KLHL29: variants seen among roughly 807,000 people sequenced by gnomAD.
The protein encoded by KLHL29 is kelch like family member 29.
KLHL29 carries 21 observed loss-of-function variants against 80.4 expected under a neutral mutation model. The observed-to-expected ratio is 0.26, with a 90% CI of 0.19 to 0.38. The LOEUF (loss-of-function observed/expected upper bound fraction) is 0.38, where lower values mean the gene tolerates loss of function less well. Among genes scored for constraint, KLHL29 ranks in the 10% least tolerant of loss-of-function variants. The pLI is 1.00. For missense variants in KLHL29, 867 were observed against 1,223.9 expected (o/e 0.71, Z 4.35); for synonymous variants, 511 against 526.8 (o/e 0.97, Z 0.41).
chr2:23,651,750 T>A (rs899483303), intron 5 of KLHL29, among the ~76,000 whole-genome samples: 1 of 152,170 alleles, frequency 6.6e-6, no homozygotes, highest in African/African-American at 2.4e-5. Flanking sequence ...AAGTCCAACA[T>A]AAAGGTGCAG....
intron 1 of KLHL29, among the ~76,000 whole-genome samples, chr2:23,394,425 G>C (rs1666398197): frequency 6.6e-6 from 1 of 152,184 alleles, no homozygotes; most frequent in Non-Finnish European, 1.5e-5. Flanking sequence ...TGTCGCATGG[G>C]TGACTTCACA....
chr2:23,449,829 G>T (rs540246195), intron 1 of KLHL29, among the ~76,000 whole-genome samples: 1 of 152,120 alleles, frequency 6.6e-6, no homozygotes, highest in Non-Finnish European at 1.5e-5. Flanking sequence ...GATGAGAGGC[G>T]TGGAGAACCA....
chr2:23,668,207 G>C (rs769480070), intron 5 of KLHL29: 5 of 152,154 alleles, frequency 3.3e-5, no homozygotes, highest in Non-Finnish European at 7.3e-5. Context: ...GTCCATTCAA[G>C]ACCCAGCTCA....
intron 13 of KLHL29, among the ~76,000 whole-genome samples, chr2:23,705,498 A>T (rs1312382838): frequency 6.6e-6 from 1 of 152,188 alleles, no homozygotes; most frequent in African/African-American, 2.4e-5. Flanking sequence ...CTCAAAAAAA[A>T]AAAAAGAATG....
chr2:23,612,614 C>T lies in KLHL29; in HGVS notation c.286-26525C>T, dbSNP rs551551370. On this transcript the variant is annotated intron_variant, in intron 3 of 13. Transcript: ENST00000486442. ...AAAATTAGGTGGTCATGGTGGTGAA[C>T]GCCTGTAATCCCAGCTACTCAGTAG... Among the ~76,000 whole-genome samples, 136 of 152,020 alleles carry T rather than the reference C, an allele frequency of 8.9e-4. 1 individual carries two copies. Among genetic ancestry groups the T allele is most frequent in the Non-Finnish European group, 1.5e-3 (101 of 68,010 alleles).
intron 1 of KLHL29, among the ~76,000 whole-genome samples, chr2:23,440,237 C>T (rs1244498945): frequency 1.4e-4 from 22 of 152,264 alleles, no homozygotes; most frequent in Middle Eastern, 3.4e-3. Flanking sequence ...AAAGGATTCC[C>T]TGTTTAATAA....
intron 5 of KLHL29, among the ~76,000 whole-genome samples, chr2:23,660,141 T>C (rs2149169087): frequency 6.6e-6 from 1 of 152,238 alleles, no homozygotes; most frequent in South Asian, 2.1e-4. Flanking sequence ...GACAGGTCTC[T>C]TCTCTGTGAC....
intron 3 of KLHL29, among the ~76,000 whole-genome samples, chr2:23,623,556 CTG>C (rs1669238217): frequency 1.3e-5 from 2 of 152,284 alleles, no homozygotes; most frequent in East Asian, 1.9e-4. Flanking sequence ...ATGGGGGACT[CTG>C]TGTTCTGGAG....
intron 3 of KLHL29, among the ~76,000 whole-genome samples, chr2:23,624,806 T>A (rs1669270672): frequency 6.6e-6 from 1 of 152,206 alleles, no homozygotes; most frequent in South Asian, 2.1e-4. Flanking sequence ...AAAGTACTAA[T>A]AGCTGCCATT....
At chr2:23,436,008 C>A (rs916198287) in intron 1 of KLHL29, among the ~76,000 whole-genome samples, 9 of 151,656 alleles carry the variant, frequency 5.9e-5, no homozygotes, top group Non-Finnish European at 1.3e-4. Context: ...AGACCCTCAT[C>A]CTCCGGCTAT....
At chr2:23,439,399 T>C (rs1429250305) in intron 1 of KLHL29, among the ~76,000 whole-genome samples, 2 of 151,910 alleles carry the variant, frequency 1.3e-5, no homozygotes, top group African/African-American at 4.8e-5. Flanking sequence ...TTAATTGTGA[T>C]GTTAGGGTGT....
At chr2:23,424,228 T>A (rs1165723771) in intron 1 of KLHL29, among the ~76,000 whole-genome samples, 2 of 152,192 alleles carry the variant, frequency 1.3e-5, no homozygotes, top group Admixed American at 6.5e-5. Context: ...AGCCAATAAT[T>A]CCTTACATAG....
intron 2 of KLHL29, among the ~76,000 whole-genome samples, chr2:23,544,304 G>C (rs1033717645): frequency 2.6e-5 from 4 of 152,152 alleles, no homozygotes; most frequent in Non-Finnish European, 5.9e-5. Context: ...GCATTGAACC[G>C]AGCTGGCAGG....
intron 5 of KLHL29, among the ~76,000 whole-genome samples, chr2:23,652,351 CTAGACAG>C (rs1670109738): frequency 6.6e-6 from 1 of 152,340 alleles, no homozygotes; most frequent in East Asian, 1.9e-4. Flanking sequence ...CCACCGATCG[CTAGACAG>C]TTTGTCCTGT....
intron 5 of KLHL29, among the ~76,000 whole-genome samples, chr2:23,654,702 G>C (rs139763514): frequency 8.7e-6 from 1 of 114,692 alleles, no homozygotes; most frequent in African/African-American, 2.7e-5. Flanking sequence ...AGGTTGGGGG[G>C]GGGGGGTGGA....
chr2:23,606,068 C>G (rs543450038), intron 3 of KLHL29, among the ~76,000 whole-genome samples: 1 of 152,040 alleles, frequency 6.6e-6, no homozygotes, highest in South Asian at 2.1e-4. Flanking sequence ...GGTGCCCAGC[C>G]AAGGGAAAAC....
chr2:23,416,264 AC>A (rs1666982270), intron 1 of KLHL29, among the ~76,000 whole-genome samples: 1 of 152,146 alleles, frequency 6.6e-6, no homozygotes, highest in African/African-American at 2.4e-5. Context: ...CTAGAAAAAC[AC>A]CTAGGGTAAT....
At chr2:23,496,265 T>G (rs894023975) in intron 2 of KLHL29, among the ~76,000 whole-genome samples, 12 of 152,198 alleles carry the variant, frequency 7.9e-5, no homozygotes, top group Non-Finnish European at 1.8e-4. Flanking sequence ...ACTTATAATT[T>G]TTTATGTAAT....
rs1443706905 is a variant in KLHL29 at position 23,706,974 on chromosome 2, C to CTGT, written c.*312_*314dup. 4.0e-6 allele frequency: 1 copy of CTGT among 250,604 alleles called. No homozygotes were observed. Among genetic ancestry groups the CTGT allele is most frequent in the African/African-American group, 2.2e-5 (1 of 44,788 alleles). 15.5% of individuals were successfully genotyped at this position (250,604 alleles called of 1,614,324 possible). On this transcript the variant is annotated 3_prime_UTR_variant, in exon 14 of 14. Coordinates refer to ENST00000486442, the MANE Select transcript of KLHL29 (RefSeq NM_052920.2). ...GTATTTTTCAACTGGGAGAGAGAAG[C>CTGT]TGTTTTTTCCTTCCTGCAGAGCAAG...
Sources: allele counts gnomAD v4.1 joint callset (sites outside exome capture counted in the v4.1 genomes callset), GRCh38; gene constraint gnomAD v4.1.1; transcripts MANE v1.5; gene names NCBI Gene and HGNC (gene_info 2026-07-23, HGNC 2026-07-21).